Variants in SUCO observed in about 807,000 individuals in gnomAD.
SUCO encodes the protein SUN domain-containing ossification factor.
A neutral mutation model predicts 148.1 loss-of-function variants in SUCO; 57 were observed. That is an observed-to-expected ratio of 0.38 (90% CI 0.31 to 0.48). The LOEUF (loss-of-function observed/expected upper bound fraction) is 0.48. Ranked by LOEUF, SUCO falls within the 20% of genes least tolerant of loss-of-function variation. SUCO has a pLI of 0.96. For synonymous variants in SUCO, 470 were observed against 502.7 expected (o/e 0.93, Z 0.87); for missense variants, 1,331 against 1,468.2 (o/e 0.91, Z 1.53).
chr1:172,566,231 G>A (rs1202367238), intron 6 of SUCO, among the ~76,000 whole-genome samples: 1 of 152,184 alleles, frequency 6.6e-6, no homozygotes, highest in African/African-American at 2.4e-5. Flanking sequence ...TACCTCTCTG[G>A]TCATCTCACC....
At chr1:172,560,143 C>G (rs529768145) in intron 6 of SUCO, among the ~76,000 whole-genome samples, 2 of 152,148 alleles carry the variant, frequency 1.3e-5, no homozygotes, top group African/African-American at 4.8e-5. Context: ...TTATCTTTAC[C>G]TGGAACTGTT....
chr1:172,564,022 G>A (rs955350036), intron 6 of SUCO, among the ~76,000 whole-genome samples: 1 of 152,270 alleles, frequency 6.6e-6, no homozygotes, highest in African/African-American at 2.4e-5. Flanking sequence ...AGCCTTTGCA[G>A]CTTCCGTGTG....
intron 10 of SUCO, among the ~76,000 whole-genome samples, chr1:172,574,221 C>T (rs941776822): frequency 6.6e-6 from 1 of 151,942 alleles, no homozygotes; most frequent in Non-Finnish European, 1.5e-5. Context: ...TGATATTATT[C>T]TCTTATAATG....
In SUCO at chr1:172,553,259, G is replaced by C. The variant is rs530487523; in HGVS notation, c.178-1G>C. 6.3e-7 allele frequency: 1 copy of C among 1,579,164 alleles called. No homozygotes were observed. The highest frequency in any genetic ancestry group is 8.6e-7 in the Non-Finnish European group (1 of 1,159,298). On this transcript the variant is annotated splice_acceptor_variant, in intron 2 of 23. Transcript: ENST00000263688. LOFTEE classifies it high-confidence loss of function. ...TGATTTTTGTTGTTGTTGTTATATAGGATGAAAGAGAGGGACCTATCAATG... is the reference window on the plus strand; with the variant it reads ...TGATTTTTGTTGTTGTTGTTATATACGATGAAAGAGAGGGACCTATCAATG...
chr1:172,561,676 C>T lies in SUCO; in HGVS notation c.732+3882C>T, dbSNP rs117390713. On this transcript the variant is annotated intron_variant, in intron 6 of 23. Transcript: ENST00000263688. ...AGAAGTATTACACTATTTTGCTCCC[C>T]CAGTGCTCAAAAGGGTTCAAGGACC... Among the ~76,000 whole-genome samples, 516 of 152,156 alleles carry T rather than the reference C, an allele frequency of 3.4e-3. 21 individuals carry two copies. The East Asian group carries it at 0.086, about 25-fold the overall frequency.
At chr1:172,606,875 A>G (rs1042798924) in intron 22 of SUCO, among the ~76,000 whole-genome samples, 15 of 151,978 alleles carry the variant, frequency 9.9e-5, no homozygotes, top group African/African-American at 3.1e-4. Flanking sequence ...TCTTGTAAAC[A>G]TTCCACCTTT....
At chr1:172,569,655 T>G (rs548471089) in intron 7 of SUCO, among the ~76,000 whole-genome samples, 1 of 152,036 alleles carries the variant, frequency 6.6e-6, no homozygotes, top group Non-Finnish European at 1.5e-5. Flanking sequence ...TGTTTACCTA[T>G]GTAACAAACC....
chr1:172,588,059 T>C (rs1358480227), intron 17 of SUCO: 1 of 982,136 alleles, frequency 1.0e-6, no homozygotes, highest in African/African-American at 1.7e-5. Flanking sequence ...AGAATTGTTA[T>C]TAAAGTGGTT....
At position 172,610,400 on chromosome 1, in the gene SUCO, A is replaced by G. The variant is rs1490853394; in HGVS notation, c.*141A>G. 2 of 1,319,066 alleles carry G rather than the reference A, an allele frequency of 1.5e-6. No homozygotes were observed. The highest frequency in any genetic ancestry group is 5.3e-5 in the East Asian group (2 of 37,764). 81.7% of individuals were successfully genotyped at this position (1,319,066 alleles called of 1,614,324 possible). A position where few individuals can be genotyped will look rare whatever the true frequency, so the allele number is the denominator to read the frequency against. On this transcript the variant is annotated 3_prime_UTR_variant, in exon 24 of 24. Transcript: ENST00000263688. ...AATTATGGTTTCTACCTTTTTAAAA[A>G]GTAGATGGGATTGTGTCAATCTTGG...
intron 9 of SUCO, among the ~76,000 whole-genome samples, chr1:172,572,696 TAA>T (rs61248782): frequency 0.13 from 6,573 of 49,378 alleles, 39 homozygotes; most frequent in South Asian, 0.24. Context: ...GAATGATCAA[TAA>T]AAAAAAAAAA....
chr1:172,534,622 T>C (rs894522359), intron 1 of SUCO, among the ~76,000 whole-genome samples: 14 of 152,218 alleles, frequency 9.2e-5, no homozygotes, highest in Admixed American at 2.6e-4. Flanking sequence ...AATTGACTTA[T>C]TACCTTTCAT....
rs1655822120 is a variant in SUCO at position 172,580,771 on chromosome 1, A to G, written c.1498+1504A>G. Among the ~76,000 whole-genome samples, 5 of 152,132 alleles carry G rather than the reference A, an allele frequency of 3.3e-5. No individual in the cohort carries two copies. The South Asian group carries it at 8.3e-4, about 25-fold the overall frequency. On this transcript the variant is annotated intron_variant, in intron 15 of 23. Transcript: ENST00000263688. ...TGTTGATATTCTGGATTTTCTTGCT[A>G]TATCTTCCTATGTGGTTAACTTCTA...
chr1:172,610,466 A>G lies in SUCO; in HGVS notation c.*207A>G, dbSNP rs1472211460. 1 of 635,874 alleles carries G rather than the reference A, an allele frequency of 1.6e-6. No individual in the cohort carries two copies. Among genetic ancestry groups the G allele is most frequent in the Non-Finnish European group, 2.4e-6 (1 of 420,886 alleles). The allele number at this position is 635,874 out of a possible 1,614,324, so 39.4% of individuals were successfully genotyped here. A position where few individuals can be genotyped will look rare whatever the true frequency, so the allele number is the denominator to read the frequency against. On this transcript the variant is annotated 3_prime_UTR_variant, in exon 24 of 24. Coordinates refer to ENST00000263688, the MANE Select transcript of SUCO (RefSeq NM_014283.5). ...TTTACAAAGCTGATCACTTCCTATA[A>G]GGACAATGGTAGACATTTTATAAAG...
At chr1:172,534,848 G>T (rs1651895902) in intron 1 of SUCO, among the ~76,000 whole-genome samples, 1 of 151,932 alleles carries the variant, frequency 6.6e-6, no homozygotes, top group Admixed American at 6.6e-5. Context: ...CTTTCTTCTT[G>T]GTCTTGCCCA....
intron 10 of SUCO, among the ~76,000 whole-genome samples, chr1:172,574,398 G>A (rs1655270796): frequency 6.6e-6 from 1 of 151,958 alleles, no homozygotes. Context: ...AAACATACAT[G>A]TGTAGGTGCT....
At chr1:172,549,459 A>G (rs1001735318) in intron 1 of SUCO, among the ~76,000 whole-genome samples, 2 of 151,982 alleles carry the variant, frequency 1.3e-5, no homozygotes, top group Non-Finnish European at 2.9e-5. Flanking sequence ...ATGATAAAAA[A>G]CAATGGTTAA....
intron 1 of SUCO, among the ~76,000 whole-genome samples, chr1:172,538,094 A>G (rs894156617): frequency 6.6e-6 from 1 of 152,172 alleles, no homozygotes; most frequent in African/African-American, 2.4e-5. Flanking sequence ...CTGACAGAGG[A>G]TGAGTAAGTG....
intron 17 of SUCO, chr1:172,588,071 G>T (rs1656363975): frequency 4.1e-6 from 4 of 984,314 alleles, no homozygotes; most frequent in Non-Finnish European, 4.8e-6. Context: ...AAAGTGGTTA[G>T]GTATTTGGCT....
In SUCO at chr1:172,556,870, A is replaced by C. The variant is rs528482576; in HGVS notation, c.444-410A>C. The C allele has an allele frequency of 5.8e-6, 5 of 861,406 alleles. No homozygotes were observed. In the East Asian group the frequency reaches 6.1e-4, roughly 104 times the overall value. 53.4% of individuals were successfully genotyped at this position (861,406 alleles called of 1,614,324 possible). On this transcript the variant is annotated intron_variant, in intron 4 of 23. Coordinates refer to ENST00000263688, the MANE Select transcript of SUCO (RefSeq NM_014283.5). The stretch of plus-strand genomic sequence containing the variant: ...CTGGTTAATGAAATGGAGGTGAGGC[A>C]GGGAAAAATAGGAAGGTTTATATTT...
Sources: gnomAD v4.1 joint callset for allele counts (sites outside exome capture counted in the v4.1 genomes callset) on GRCh38, gnomAD v4.1.1 for gene constraint, MANE v1.5 for transcripts, NCBI Gene and HGNC (gene_info 2026-07-23, HGNC 2026-07-21) for gene names.